BRD4: variants seen among roughly 807,000 people sequenced by gnomAD.
BRD4 encodes the protein bromodomain-containing protein 4.
In BRD4, 16 loss-of-function variants were observed where a neutral mutation model predicts 142.1. That is an observed-to-expected ratio of 0.11 (90% CI 0.08 to 0.17). The LOEUF (loss-of-function observed/expected upper bound fraction) is 0.17. Ranked by LOEUF, BRD4 falls within the 10% of genes least tolerant of loss-of-function variation. The pLI is 1.00. For missense variants in BRD4, 1,424 were observed against 1,810.9 expected, an observed-to-expected ratio of 0.79 and a Z score of 3.88; for synonymous variants, 833 against 707.5, an observed-to-expected ratio of 1.18 and a Z score of -2.82.
At chr19:15,328,516 C>T (rs2048129012) in intron 1 of BRD4, among the ~76,000 whole-genome samples, 1 of 152,140 alleles carries the variant, frequency 6.6e-6, no homozygotes, top group African/African-American at 2.4e-5. Flanking sequence ...ACTACAACAC[C>T]GAGGGACCCC....
chr19:15,285,924 CGT>C (rs2047736746), intron 1 of BRD4, among the ~76,000 whole-genome samples: 1 of 152,108 alleles, frequency 6.6e-6, no homozygotes, highest in African/African-American at 2.4e-5. Context: ...CTTTAGGAGG[CGT>C]GTGTGAGGAG....
chr19:15,244,933 A>G, intron 11 of BRD4, 171 bp from the exon 12 acceptor site: 1 of 1,208,162 alleles, frequency 8.3e-7, no homozygotes, highest in South Asian at 1.5e-5. Flanking sequence ...AGAGGGAGAG[A>G]CATGCGAGGC....
intron 1 of BRD4, among the ~76,000 whole-genome samples, chr19:15,304,961 G>A (rs972064250): frequency 6.6e-6 from 1 of 150,528 alleles, no homozygotes; most frequent in African/African-American, 2.4e-5. Context: ...TCAGGATAGT[G>A]TTCTTCCCAC....
intron 10 of BRD4, among the ~76,000 whole-genome samples, chr19:15,255,054 C>A (rs982044617): frequency 1.3e-5 from 2 of 152,146 alleles, no homozygotes; most frequent in African/African-American, 4.8e-5. Context: ...TAGAACACAG[C>A]TGCAGGCAAC....
intron 8 of BRD4, among the ~76,000 whole-genome samples, 185 bp downstream of exon 8, chr19:15,256,779 T>C (rs143495129): frequency 6.6e-6 from 1 of 152,118 alleles, no homozygotes; most frequent in Non-Finnish European, 1.5e-5. Context: ...TCAACACATA[T>C]ATCATACATA....
At chr19:15,319,850 A>G (rs2145727615) in intron 1 of BRD4, among the ~76,000 whole-genome samples, 1 of 151,712 alleles carries the variant, frequency 6.6e-6, no homozygotes, top group Middle Eastern at 3.4e-3. Context: ...TGGGAGGATT[A>G]CCTGAGTTTG....
intron 4 of BRD4, 97 bp downstream of exon 4, chr19:15,267,319 T>A: frequency 6.9e-7 from 1 of 1,451,632 alleles, no homozygotes. Context: ...CAGTATATAA[T>A]GTCACATCCT....
At chr19:15,258,179 G>A (rs1401892903) in intron 7 of BRD4, among the ~76,000 whole-genome samples, 1 of 152,182 alleles carries the variant, frequency 6.6e-6, no homozygotes, top group African/African-American at 2.4e-5. Context: ...GTGCTTCAGA[G>A]AGGACCACGG....
chr19:15,264,109 G>A, intron 6 of BRD4: 1 of 365,406 alleles, frequency 2.7e-6, no homozygotes, highest in Non-Finnish European at 5.0e-6. Flanking sequence ...TACTGTGTGG[G>A]CAAGGTACCT....
At chr19:15,276,907 G>A (rs189487066) in intron 1 of BRD4, among the ~76,000 whole-genome samples, 159 of 152,278 alleles carry the variant, frequency 1.0e-3, no homozygotes, top group African/African-American at 3.6e-3. Flanking sequence ...AGAGGGATCT[G>A]CACTGACCCG....
intron 1 of BRD4, among the ~76,000 whole-genome samples, chr19:15,330,388 T>C (rs2048146681): frequency 6.6e-6 from 1 of 152,160 alleles, no homozygotes; most frequent in Non-Finnish European, 1.5e-5. Flanking sequence ...GGGAAGCGCT[T>C]GGTTATCTAC....
At chr19:15,250,748 C>T (rs1182558352) in intron 11 of BRD4, among the ~76,000 whole-genome samples, 1 of 152,194 alleles carries the variant, frequency 6.6e-6, no homozygotes, top group African/African-American at 2.4e-5. Flanking sequence ...TTGGGAAGAA[C>T]CAGATGTCAG....
intron 11 of BRD4, among the ~76,000 whole-genome samples, chr19:15,246,298 G>T (rs906242142): frequency 6.6e-6 from 1 of 152,132 alleles, no homozygotes; most frequent in East Asian, 1.9e-4. Context: ...AGGAGCGCTG[G>T]CTGCAGAGGT....
intron 1 of BRD4, among the ~76,000 whole-genome samples, chr19:15,283,830 C>T (rs76307804): frequency 1.1e-3 from 165 of 152,322 alleles, no homozygotes; most frequent in African/African-American, 3.6e-3. Flanking sequence ...TGCCCACACT[C>T]ACTGGGGACA....
rs756493135 is a variant in BRD4 at position 15,264,691 on chromosome 19, G to T, written c.925C>A (p.Leu309Met). 10 of 1,613,272 alleles carry T rather than the reference G, an allele frequency of 6.2e-6. No homozygotes were observed. In the Admixed American group the frequency reaches 1.7e-4, roughly 27 times the overall value. ...TIDPIHEPPS[L>M]PPEPKTTKLG... is the part of the protein sequence containing the mutation. ...TTGGTGGTCTTGGGCTCCGGGGGCA[G>T]CGAGGGTGGCTCGTGAATGGGGTCA... The change falls in exon 6 of 20, where the codon CTG (leucine) becomes ATG (methionine). Residue 309 changes from leucine (L) to methionine (M), a missense_variant. Leu to Met is a conservative substitution (Grantham distance 15). This residue lies in a region of BRD4 where 86 missense variants were observed against 79.9 expected (regional missense o/e 1.08). Coordinates refer to ENST00000679869, the MANE Select transcript of BRD4 (RefSeq NM_001379291.1).
intron 1 of BRD4, among the ~76,000 whole-genome samples, chr19:15,303,714 G>T (rs928979099): frequency 4.6e-5 from 7 of 152,186 alleles, no homozygotes; most frequent in Non-Finnish European, 1.0e-4. Flanking sequence ...TCTGTGTTCT[G>T]TTTTTGATGG....
rs76439369 is a variant in BRD4, at chr19:15,263,765, G to A, written c.1213-217C>T. On this transcript the variant is annotated intron_variant, in intron 6 of 19. Transcript: ENST00000679869. ...TCCCAGCTCACCTGCCTGGCTCGCA[G>A]GCAGGTGGACTCAGAACCCACAGGA... 8.8e-3 allele frequency among the ~76,000 whole-genome samples: 1,340 copies of A among 152,302 alleles called. 23 individuals are homozygous for A. The highest frequency in any genetic ancestry group is 0.031 in the African/African-American group (1,282 of 41,570).
At chr19:15,246,728 CA>C (rs998155062) in intron 11 of BRD4, 3 of 152,370 alleles carry the variant, frequency 2.0e-5, no homozygotes, top group African/African-American at 7.2e-5. Flanking sequence ...TGGGGGGTTC[CA>C]GGGGGCATGT....
intron 9 of BRD4, among the ~76,000 whole-genome samples, chr19:15,255,861 G>A (rs940956824): frequency 2.0e-5 from 3 of 152,196 alleles, no homozygotes; most frequent in South Asian, 2.1e-4. Context: ...GGTGAGCTCC[G>A]AAGGCTCATC....
Sources: gnomAD v4.1 joint callset for allele counts (sites outside exome capture counted in the v4.1 genomes callset) on GRCh38, gnomAD v4.1.1 for gene constraint, gnomAD v4.1.1 regional missense constraint, MANE v1.5 for transcripts, NCBI Gene and HGNC (gene_info 2026-07-23, HGNC 2026-07-21) for gene names.